Variants in WDR25 observed in about 807,000 individuals in gnomAD.
The protein encoded by WDR25 is WD repeat domain 25.
In WDR25, 35 loss-of-function variants were observed where a neutral mutation model predicts 47.7. The ratio of observed to expected loss-of-function variants is 0.73; its 90% confidence interval spans 0.56 to 0.97. The LOEUF is 0.97. Among genes scored for constraint, WDR25 ranks in the 50% least tolerant of loss-of-function variants. WDR25 has a pLI of 0.00. For missense variants in WDR25, 634 were observed against 704.7 expected (o/e 0.90, Z 1.14); for synonymous variants, 248 against 278.9 (o/e 0.89, Z 1.10).
In WDR25 at chr14:100,529,407, G is replaced by A. The variant is rs570162962; in HGVS notation, c.1413+199G>A. 15 of 779,286 alleles carry A rather than the reference G, an allele frequency of 1.9e-5. No individual in the cohort carries two copies. The highest frequency in any genetic ancestry group is 7.3e-5 in the South Asian group (4 of 54,452). The allele number at this position is 779,286 out of a possible 1,614,324, so 48.3% of individuals were successfully genotyped here. ...ATCTGGTCCTCACCCCAGGCCCCACGTACTGGGCAGGAAGCAGTAGTTGGC... is the reference window on the plus strand; with the variant it reads ...ATCTGGTCCTCACCCCAGGCCCCACATACTGGGCAGGAAGCAGTAGTTGGC... On this transcript the variant is annotated intron_variant, in intron 6 of 6. Coordinates refer to ENST00000402312, the MANE Select transcript of WDR25 (RefSeq NM_001161476.3). This position sits in a 1 kb window ranked among gnomAD's most constrained non-coding sequence, Gnocchi z 5.1.
chr14:100,513,542 G>C (rs748026526), intron 4 of WDR25, among the ~76,000 whole-genome samples: 6 of 152,218 alleles, frequency 3.9e-5, no homozygotes, highest in Non-Finnish European at 7.3e-5. Context: ...CTTGCAATTT[G>C]TGTCTCTAAG....
intron 4 of WDR25, among the ~76,000 whole-genome samples, chr14:100,493,413 A>G (rs940418521): frequency 1.3e-5 from 2 of 152,162 alleles, no homozygotes; most frequent in Admixed American, 1.3e-4. Context: ...TGTTTTCAAG[A>G]TTCATTCACA....
At position 100,392,930 on chromosome 14, in the gene WDR25, C is replaced by T. The variant is rs78269529; in HGVS notation, c.822+11184C>T. Among the ~76,000 whole-genome samples the T allele has an allele frequency of 0.038, 5,736 of 152,300 alleles. 290 individuals carry two copies. Among genetic ancestry groups the T allele is most frequent in the African/African-American group, 0.12 (4,935 of 41,532 alleles). On this transcript the variant is annotated intron_variant, in intron 2 of 6. Transcript: ENST00000402312. The surrounding 1 kb of genome is among the most constrained non-coding windows in gnomAD (Gnocchi z 4.2). ...TTGTACATTTTCATGGGTCCAGATA[C>T]GTCTCTTGTCAGATTGCTTTCCAAA... is the stretch of plus-strand genomic sequence containing the variant.
chr14:100,469,997 A>G (rs1224119227), intron 3 of WDR25, among the ~76,000 whole-genome samples: 1 of 152,242 alleles, frequency 6.6e-6, no homozygotes, highest in Admixed American at 6.5e-5. Context: ...TGGAGAAGAC[A>G]GAAGTGCAGA....
chr14:100,506,375 C>T lies in WDR25; in HGVS notation c.1102-19495C>T, dbSNP rs1313671767. 6.6e-6 allele frequency among the ~76,000 whole-genome samples: 1 copy of T among 152,084 alleles called. No individual in the cohort carries two copies. Among genetic ancestry groups the T allele is most frequent in the Admixed American group, 6.6e-5 (1 of 15,266 alleles). On this transcript the variant is annotated intron_variant, in intron 4 of 6. Coordinates refer to ENST00000402312, the MANE Select transcript of WDR25 (RefSeq NM_001161476.3). This position sits in a 1 kb window ranked among gnomAD's most constrained non-coding sequence, Gnocchi z 4.8. Reference sequence around the variant, plus strand: ...ATTGTGAATAGTGCTGTGATGAACACGTGAGTGCATGTGTCTCTTTGGTAG... The same window carrying T: ...ATTGTGAATAGTGCTGTGATGAACATGTGAGTGCATGTGTCTCTTTGGTAG...
chr14:100,400,101 T>C (rs1020349536), intron 2 of WDR25, among the ~76,000 whole-genome samples: 7 of 152,202 alleles, frequency 4.6e-5, no homozygotes, highest in African/African-American at 1.7e-4. Flanking sequence ...GGACTGGCCA[T>C]TTCTGAGACA....
In WDR25 at chr14:100,417,281, G is replaced by A. The variant is rs547579547; in HGVS notation, c.822+35535G>A. 1.5e-3 allele frequency among the ~76,000 whole-genome samples: 231 copies of A among 152,384 alleles called. 1 individual carries two copies. Among genetic ancestry groups the A allele is most frequent in the African/African-American group, 5.3e-3 (220 of 41,596 alleles). On this transcript the variant is annotated intron_variant, in intron 2 of 6. Coordinates refer to ENST00000402312, the MANE Select transcript of WDR25 (RefSeq NM_001161476.3). ...CACTAGCTCAGGGAGAGAGGCAGCC[G>A]TACCTGGAGGAGCTGCTTAGTAGGA...
chr14:100,529,839 G>A lies in WDR25; in HGVS notation c.1433G>A (p.Gly478Asp). 1 of 1,612,358 alleles carries A rather than the reference G, an allele frequency of 6.2e-7. No individual in the cohort carries two copies. Among genetic ancestry groups the A allele is most frequent in the Non-Finnish European group, 8.5e-7 (1 of 1,179,926 alleles). Reference protein sequence around the residue: ...EGHKVEGYSVGCECSPGGDLL... With the variant: ...EGHKVEGYSVDCECSPGGDLL... ...CTGCAGGTGGAGGGCTACTCAGTGG[G>A]CTGCGAGTGCTCCCCAGGCGGTGAC... Residue 478 changes from glycine (G) to aspartate (D), a missense_variant, in exon 7 of 7, where the codon GGC (glycine) becomes GAC (aspartate). Transcript: ENST00000402312. This position sits in a 1 kb window ranked among gnomAD's most constrained non-coding sequence, Gnocchi z 5.1.
rs1022615233 is a variant in WDR25 at position 100,425,176 on chromosome 14, A to C, written c.823-42845A>C. ...GCTGGCCCCATGGCCTGCAGGGCTCAGGATCAAGTTCCTCTTCCTTGATGT... is the reference window on the plus strand; with the variant it reads ...GCTGGCCCCATGGCCTGCAGGGCTCCGGATCAAGTTCCTCTTCCTTGATGT... On this transcript the variant is annotated intron_variant, in intron 2 of 6. Coordinates refer to ENST00000402312, the MANE Select transcript of WDR25 (RefSeq NM_001161476.3). The surrounding 1 kb of genome is among the most constrained non-coding windows in gnomAD (Gnocchi z 4.8). Among the ~76,000 whole-genome samples, 6 of 152,238 alleles carry C rather than the reference A, an allele frequency of 3.9e-5. No homozygotes were observed. The highest frequency in any genetic ancestry group is 1.4e-4 in the African/African-American group (6 of 41,470).
chr14:100,483,435 C>T (rs1269035557), intron 3 of WDR25, among the ~76,000 whole-genome samples: 1 of 152,176 alleles, frequency 6.6e-6, no homozygotes, highest in Non-Finnish European at 1.5e-5. Flanking sequence ...CTTGGGCCAC[C>T]ATGATGGCCA....
intron 3 of WDR25, among the ~76,000 whole-genome samples, chr14:100,472,784 A>T (rs1264442551): frequency 1.1e-4 from 17 of 151,640 alleles, no homozygotes. Flanking sequence ...GACAACACGC[A>T]CTCTTTATTA....
chr14:100,495,299 G>A (rs1287997774), intron 4 of WDR25, among the ~76,000 whole-genome samples: 1 of 152,264 alleles, frequency 6.6e-6, no homozygotes, highest in Non-Finnish European at 1.5e-5. Context: ...GGAGGTTGCA[G>A]TGAGCTGAGA....
Position 100,498,838 on chromosome 14 carries a change from T to C in WDR25, c.1101+14714T>C, listed in dbSNP as rs1297223410. 6.6e-6 allele frequency among the ~76,000 whole-genome samples: 1 copy of C among 152,220 alleles called. No homozygotes were observed. The highest frequency in any genetic ancestry group is 1.5e-5 in the Non-Finnish European group (1 of 68,042). On this transcript the variant is annotated intron_variant, in intron 4 of 6. Coordinates refer to ENST00000402312, the MANE Select transcript of WDR25 (RefSeq NM_001161476.3). The surrounding 1 kb of genome is among the most constrained non-coding windows in gnomAD (Gnocchi z 4.2). ...TACTCGAAGGGGTATCTTTCTCTAA[T>C]AGGAACCAAGGTGCCATGCGGGCCA...
chr14:100,381,665 C>T lies in WDR25; in HGVS notation c.741C>T (p.Gly247=), dbSNP rs1247372690. 4.0e-5 allele frequency: 64 copies of T among 1,614,090 alleles called. No homozygotes were observed. The highest frequency in any genetic ancestry group is 5.2e-5 in the Non-Finnish European group (61 of 1,180,048). ...TTTTCCACCTGAGAGGCCACAGGGG[C>T]CCTGTCAACACCATTCAGTGGTGTC... ...KVLFHLRGHR[G]PVNTIQWCPV... Residue 247 remains glycine (G), a synonymous_variant, in exon 2 of 7, where the codon GGC becomes GGT. Transcript: ENST00000402312.
At chr14:100,450,605 C>A (rs778295693) in intron 2 of WDR25, among the ~76,000 whole-genome samples, 8 of 152,172 alleles carry the variant, frequency 5.3e-5, no homozygotes, top group Non-Finnish European at 8.8e-5. Flanking sequence ...CTCTCTTTGC[C>A]CATCTGTAAA....
chr14:100,515,153 C>G (rs556033103), intron 4 of WDR25, among the ~76,000 whole-genome samples: 2 of 152,208 alleles, frequency 1.3e-5, no homozygotes, highest in South Asian at 4.1e-4. Flanking sequence ...CCATTGGCTT[C>G]AAGCAATTTA....
Position 100,519,688 on chromosome 14 carries a change from AATC to A in WDR25, c.1102-6178_1102-6176del, listed in dbSNP as rs1306711245. On this transcript the variant is annotated intron_variant, in intron 4 of 6. Coordinates refer to ENST00000402312, the MANE Select transcript of WDR25 (RefSeq NM_001161476.3). Reference sequence around the variant, plus strand: ...CACATATAGTCTATATATAACATATAATCATCTATATATAGTATATATAGTGTA... The same window carrying A: ...CACATATAGTCTATATATAACATATAATCTATATATAGTATATATAGTGTA... 2.1e-5 allele frequency among the ~76,000 whole-genome samples: 3 copies of A among 145,140 alleles called. No homozygotes were observed. In the East Asian group the frequency reaches 6.0e-4, roughly 29 times the overall value.
intron 2 of WDR25, among the ~76,000 whole-genome samples, chr14:100,385,202 C>T (rs1293774375): frequency 1.3e-5 from 2 of 152,208 alleles, no homozygotes; most frequent in Non-Finnish European, 2.9e-5. Flanking sequence ...TATTCCCCAG[C>T]ATCTGGCACA....
chr14:100,469,614 C>G (rs1326284611), intron 3 of WDR25, among the ~76,000 whole-genome samples: 1 of 152,220 alleles, frequency 6.6e-6, no homozygotes, highest in African/African-American at 2.4e-5. Flanking sequence ...CTTACTGATT[C>G]TCTTAACCCC....
Sources: gnomAD v4.1 joint callset for allele counts (sites outside exome capture counted in the v4.1 genomes callset) on GRCh38, gnomAD v4.1.1 for gene constraint, Gnocchi (gnomAD v3.1) non-coding constraint, MANE v1.5 for transcripts, NCBI Gene and HGNC (gene_info 2026-07-23, HGNC 2026-07-21) for gene names.